Variants in DDX27 observed in about 807,000 individuals in gnomAD.
DDX27 encodes the protein DEAD-box helicase 27.
Under a neutral mutation model 99.3 loss-of-function variants are expected in DDX27, and 42 were observed. The ratio of observed to expected loss-of-function variants is 0.42; its 90% CI spans 0.33 to 0.55. The LOEUF (loss-of-function observed/expected upper bound fraction) is 0.55, where lower values mean the gene tolerates loss of function less well. DDX27 is among the 20% of genes least tolerant of loss of function. The pLI, the probability that DDX27 is intolerant of heterozygous loss-of-function variation, is 0.07. For missense variants in DDX27, 798 were observed against 976.8 expected, an observed-to-expected ratio of 0.82 and a Z score of 2.44; for synonymous variants, 329 against 353.8, an observed-to-expected ratio of 0.93 and a Z score of 0.79.
Position 49,233,320 on chromosome 20 carries a change from A to T in DDX27, c.1046A>T (p.Tyr349Phe). 1 of 1,613,892 alleles carries T rather than the reference A, an allele frequency of 6.2e-7. No homozygotes were observed. The change falls in exon 10 of 21, where the codon TAC (tyrosine) becomes TTC (phenylalanine). Residue 349 changes from tyrosine (Y) to phenylalanine (F), a missense_variant. By Grantham distance (22) the Tyr-to-Phe change is conservative. Coordinates refer to ENST00000618172, the MANE Select transcript of DDX27 (RefSeq NM_017895.8). ...TCTGCTCCCAGGATGCTGGATGAGT[A>T]CTTTGAGGAGCAGATGAAGGAGATC... Reference protein sequence around the residue: ...LDEADRMLDEYFEEQMKEIIR... With the variant: ...LDEADRMLDEFFEEQMKEIIR...
At chr20:49,237,385 ATG>A (rs1980341260) in intron 14 of DDX27, among the ~76,000 whole-genome samples, 1 of 148,638 alleles carries the variant, frequency 6.7e-6, no homozygotes, top group African/African-American at 2.5e-5. Flanking sequence ...ATAAAAAAAA[ATG>A]TAATTCTGTG....
At chr20:49,229,420 T>C (rs1980020415) in intron 8 of DDX27, among the ~76,000 whole-genome samples, 1 of 152,162 alleles carries the variant, frequency 6.6e-6, no homozygotes, top group Non-Finnish European at 1.5e-5. Flanking sequence ...GAACATTTTT[T>C]TCGTGGTACT....
At position 49,242,004 on chromosome 20, in the gene DDX27, T is replaced by G; in HGVS notation, c.1992+17T>G. ...GAGATGACAGTGAGTGGCCTCCCTT[T>G]TGGAGTTTGGGCCCACTCGGTGGGG... On this transcript the variant is annotated intron_variant, in intron 17 of 20. Transcript: ENST00000618172. 6.2e-7 allele frequency: 1 copy of G among 1,613,724 alleles called. No homozygotes were observed. The highest frequency in any genetic ancestry group is 1.1e-5 in the South Asian group (1 of 91,050).
At chr20:49,223,155 T>C (rs1471614886) in intron 3 of DDX27, 113 bp from the exon 4 acceptor site, 61 of 1,375,884 alleles carry the variant, frequency 4.4e-5, no homozygotes, top group Non-Finnish European at 6.1e-5. Flanking sequence ...GCTGTGAATC[T>C]GTACTGAGAA....
intron 16 of DDX27, chr20:49,241,662 T>TG (rs1427056364): frequency 3.3e-6 from 2 of 598,546 alleles, no homozygotes; most frequent in Non-Finnish European, 6.0e-6. Context: ...GTAGTCGGGG[T>TG]TTCACCATGT....
chr20:49,228,930 G>C, intron 8 of DDX27, 42 bp downstream of exon 8: 1 of 1,526,228 alleles, frequency 6.6e-7, no homozygotes, highest in Non-Finnish European at 8.8e-7. Flanking sequence ...GAGAGACTGT[G>C]GTGGGGTGGA....
chr20:49,243,019 G>A (rs973717980), intron 19 of DDX27, among the ~76,000 whole-genome samples: 4 of 152,148 alleles, frequency 2.6e-5, no homozygotes, highest in East Asian at 1.9e-4. Flanking sequence ...CGTGCCCGGC[G>A]AGCCCTTGGT....
In DDX27 at chr20:49,230,242, G is replaced by T; in HGVS notation, c.924G>T (p.Ala308=). 1 of 1,613,216 alleles carries T rather than the reference G, an allele frequency of 6.2e-7. No homozygotes were observed. The highest frequency in any genetic ancestry group is 8.5e-7 in the Non-Finnish European group (1 of 1,179,978). ...CTCAGGAAGCAGCTCTTCGGGCAGC[G>T]CCTGACATCCTCATCGCCACCCCAG... ...VKSQEAALRA[A]PDILIATPGR... Residue 308 remains alanine (A), a synonymous_variant, in exon 9 of 21, where the codon GCG becomes GCT. Transcript: ENST00000618172.
At chr20:49,235,538 G>A (rs1288990529) in intron 12 of DDX27, 1 of 160,008 alleles carries the variant, frequency 6.2e-6, no homozygotes, top group African/African-American at 2.4e-5. Flanking sequence ...ATGGCATCAA[G>A]GTGGTTGGCA....
Position 49,236,558 on chromosome 20 carries a change from C to G in DDX27, c.1687+48C>G. The G allele has an allele frequency of 1.7e-5, 25 of 1,500,828 alleles. No homozygotes were observed. Among genetic ancestry groups the G allele is most frequent in the Non-Finnish European group, 2.1e-5 (24 of 1,122,552 alleles). 93.0% of individuals were successfully genotyped at this position (1,500,828 alleles called of 1,614,324 possible). A position where few individuals can be genotyped will look rare whatever the true frequency, so the allele number is the denominator to read the frequency against. Reference sequence around the variant, plus strand: ...GTGCAGAATGGCTCGGTGGGCGGGGCAAGGACAGAGTGTAATGGCTGAGAG... The same window carrying G: ...GTGCAGAATGGCTCGGTGGGCGGGGGAAGGACAGAGTGTAATGGCTGAGAG... On this transcript the variant is annotated intron_variant, in intron 14 of 20. Coordinates refer to ENST00000618172, the MANE Select transcript of DDX27 (RefSeq NM_017895.8). This position sits in a 1 kb window ranked among gnomAD's most constrained non-coding sequence, Gnocchi z 4.1.
At chr20:49,226,123 C>T (rs1040584063) in intron 6 of DDX27, among the ~76,000 whole-genome samples, 1 of 152,208 alleles carries the variant, frequency 6.6e-6, no homozygotes, top group East Asian at 1.9e-4. Context: ...AGCACTCCCC[C>T]TGCTGCCCGT....
chr20:49,230,419 C>T, intron 9 of DDX27, 70 bp downstream of exon 9: 1 of 1,522,748 alleles, frequency 6.6e-7, no homozygotes, highest in Non-Finnish European at 8.8e-7. Context: ...GTGGACCTGC[C>T]ACACTGCGTT....
intron 6 of DDX27, among the ~76,000 whole-genome samples, chr20:49,225,586 G>C (rs1979856871): frequency 6.6e-6 from 1 of 151,034 alleles, no homozygotes. Flanking sequence ...CTCCCCAGCA[G>C]CTGGGACTAC....
intron 1 of DDX27, among the ~76,000 whole-genome samples, chr20:49,221,023 G>A (rs986018159): frequency 7.9e-5 from 12 of 152,116 alleles, no homozygotes; most frequent in Middle Eastern, 3.4e-3. Context: ...GTGCAGTGGC[G>A]CGATCTCGGC....
At position 49,219,506 on chromosome 20, in the gene DDX27, G is replaced by C. The variant is rs1979550021; in HGVS notation, c.58G>C (p.Glu20Gln). Residue 20 changes from glutamate (E) to glutamine (Q), a missense_variant, in exon 1 of 21, where the codon GAG becomes CAG. Coordinates refer to ENST00000618172, the MANE Select transcript of DDX27 (RefSeq NM_017895.8). Reference protein sequence around the residue: ...TIGEDDEVPVEPESDSGDEEE... With the variant: ...TIGEDDEVPVQPESDSGDEEE... ...AGGCGAGGATGACGAGGTGCCGGTG[G>C]AGCCCGAGTCTGACTCCGGGGACGA... 1 of 1,613,928 alleles carries C rather than the reference G, an allele frequency of 6.2e-7. No individual in the cohort carries two copies.
intron 16 of DDX27, among the ~76,000 whole-genome samples, chr20:49,240,967 A>G (rs755081384): frequency 6.6e-6 from 1 of 152,116 alleles, no homozygotes; most frequent in East Asian, 1.9e-4. Flanking sequence ...GTGAGCTAAG[A>G]TTCTGCCACT....
In DDX27 at chr20:49,223,378, T is replaced by C. The variant is rs140220470; in HGVS notation, c.411T>C (p.Asp137=). Residue 137 remains aspartate, a synonymous_variant, in exon 4 of 21, where the codon GAT becomes GAC. Transcript: ENST00000618172. ...LQENDEEGSE[D]EASETDYSSA... The stretch of plus-strand genomic sequence containing the variant: ...AGAATGATGAGGAAGGCTCAGAAGA[T>C]GAAGCCTCGGAGACTGACTACTCAT... 2.5e-6 allele frequency: 4 copies of C among 1,613,996 alleles called. No homozygotes were observed. Among genetic ancestry groups the C allele is most frequent in the Non-Finnish European group, 3.4e-6 (4 of 1,179,978 alleles).
At chr20:49,223,589 A>G (rs555038865) in intron 4 of DDX27, among the ~76,000 whole-genome samples, 156 bp downstream of exon 4, 22 of 133,964 alleles carry the variant, frequency 1.6e-4, no homozygotes, top group Non-Finnish European at 2.4e-4. Context: ...TTTTTTTTTT[A>G]AGAGATGTTG....
chr20:49,242,240 A>C lies in DDX27; in HGVS notation c.2116+34A>C, dbSNP rs765139337. 3 of 1,611,106 alleles carry C rather than the reference A, an allele frequency of 1.9e-6. No individual in the cohort carries two copies. The African/African-American group carries it at 4.0e-5, about 22-fold the overall frequency. Reference sequence around the variant, plus strand: ...ATGGGGAGCCCAAAGGAGCTTGTACAAGGTTTTCCCTGAAACCTGTGCTTT... The same window carrying C: ...ATGGGGAGCCCAAAGGAGCTTGTACCAGGTTTTCCCTGAAACCTGTGCTTT... On this transcript the variant is annotated intron_variant, in intron 18 of 20. Transcript: ENST00000618172.
Sources: gnomAD v4.1 joint callset for allele counts (sites outside exome capture counted in the v4.1 genomes callset) on GRCh38, gnomAD v4.1.1 for gene constraint, Gnocchi (gnomAD v3.1) non-coding constraint, MANE v1.5 for transcripts, NCBI Gene and HGNC (gene_info 2026-07-23, HGNC 2026-07-21) for gene names.